Variants in TLE2 observed in about 807,000 individuals in gnomAD.
TLE2 encodes the protein TLE family member 2, transcriptional corepressor.
A neutral mutation model predicts 97.2 loss-of-function variants in TLE2; 74 were observed. The observed-to-expected ratio is 0.76, with a 90% CI of 0.63 to 0.92. TLE2 has a LOEUF of 0.92. Ranked by LOEUF, TLE2 falls within the 40% of genes least tolerant of loss-of-function variation. The pLI is 0.00. For missense variants in TLE2, 1,038 were observed against 1,008.7 expected, an observed-to-expected ratio of 1.03 and a Z score of -0.39; for synonymous variants, 499 against 432.1, an observed-to-expected ratio of 1.15 and a Z score of -1.92.
chr19:3,032,557 G>C (rs2090033496), upstream of TLE2, among the ~76,000 whole-genome samples: 1 of 152,108 alleles, frequency 6.6e-6, no homozygotes, highest in Non-Finnish European at 1.5e-5. The surrounding 1 kb of genome is among the most constrained non-coding windows in gnomAD (Gnocchi z 4.1). Context: ...TTTTGGATGT[G>C]AGTATGTTTA....
intron 14 of TLE2, among the ~76,000 whole-genome samples, chr19:3,008,000 T>G (rs930290489): frequency 5.3e-5 from 8 of 152,128 alleles, no homozygotes; most frequent in Non-Finnish European, 1.5e-5. Context: ...GAGAATCGCT[T>G]GAACCCAGGA....
chr19:3,016,225 C>T (rs904315033), intron 8 of TLE2, among the ~76,000 whole-genome samples: 7 of 151,406 alleles, frequency 4.6e-5, no homozygotes, highest in Non-Finnish European at 1.0e-4. Context: ...CATGAGCCAC[C>T]GCAACCAGCG....
intron 8 of TLE2, 199 bp from the exon 9 acceptor site, chr19:3,015,959 C>T (rs968697750): frequency 6.9e-5 from 46 of 662,856 alleles, no homozygotes; most frequent in South Asian, 3.2e-4. Context: ...TTGTTTTTGA[C>T]GGAGTCTTGC....
intron 14 of TLE2, among the ~76,000 whole-genome samples, chr19:3,008,339 G>A (rs1273809522): frequency 1.3e-5 from 2 of 152,206 alleles, no homozygotes; most frequent in African/African-American, 2.4e-5. Flanking sequence ...CCCCAGCTGT[G>A]ACAACCACAC....
upstream of TLE2, among the ~76,000 whole-genome samples, chr19:3,046,704 T>C (rs1450128771): frequency 3.3e-5 from 5 of 151,814 alleles, no homozygotes; most frequent in South Asian, 2.1e-4. Flanking sequence ...CCTCACCTGC[T>C]GGAACGTCCC....
At chr19:3,041,013 A>ATATATATATAT (rs1555695656) in intron 1 of TLE2, among the ~76,000 whole-genome samples, 5 of 28,978 alleles carry the variant, frequency 1.7e-4, no homozygotes, top group African/African-American at 6.2e-4. Flanking sequence ...ATATATATAT[A>ATATATATATAT]TTTTTTTTTT....
chr19:3,039,061 T>A (rs1357273456), intron 1 of TLE2, among the ~76,000 whole-genome samples: 4 of 121,448 alleles, frequency 3.3e-5, no homozygotes, highest in African/African-American at 6.2e-5. Context: ...AAATAAAAAT[T>A]AAAAAAAAAA....
At chr19:3,004,308 C>A (rs942999927) in intron 17 of TLE2, among the ~76,000 whole-genome samples, 23 of 152,104 alleles carry the variant, frequency 1.5e-4, no homozygotes, top group African/African-American at 5.6e-4. Flanking sequence ...GAGCTGTGTC[C>A]ACCTGCACTC....
At chr19:3,046,957 C>T (rs1599261675), upstream of TLE2, among the ~76,000 whole-genome samples, 1 of 120,158 alleles carries the variant, frequency 8.3e-6, no homozygotes, top group Non-Finnish European at 1.8e-5. Flanking sequence ...TCCCTTCCCT[C>T]CCTCCTTCTC....
intron 11 of TLE2, among the ~76,000 whole-genome samples, chr19:3,012,926 CT>C (rs1217328503): frequency 6.6e-6 from 1 of 152,122 alleles, no homozygotes; most frequent in Non-Finnish European, 1.5e-5. Flanking sequence ...CTGAGGGCTT[CT>C]CCAATACAAC....
rs1802248867 is a variant in TLE2, at chr19:3,019,806, A to G, written c.295-33T>C. 3 of 1,601,030 alleles carry G rather than the reference A, an allele frequency of 1.9e-6. No homozygotes were observed. The highest frequency in any genetic ancestry group is 1.7e-6 in the Non-Finnish European group (2 of 1,174,666). On this transcript the variant is annotated intron_variant, in intron 5 of 19. Transcript: ENST00000262953. This position sits in a 1 kb window ranked among gnomAD's most constrained non-coding sequence, Gnocchi z 5.1. Reference sequence around the variant, plus strand: ...GTGGAAGGGATCAGGTAGAGGGTACATTGAGCCCCTGCTCATGCTAGCGGT... The same window carrying G: ...GTGGAAGGGATCAGGTAGAGGGTACGTTGAGCCCCTGCTCATGCTAGCGGT...
At chr19:3,033,843 C>T (rs2090044006), upstream of TLE2, among the ~76,000 whole-genome samples, 1 of 151,916 alleles carries the variant, frequency 6.6e-6, no homozygotes, top group Non-Finnish European at 1.5e-5. Flanking sequence ...AACCCCCACC[C>T]CCCATCTCTA....
chr19:3,002,653 C>G, intron 17 of TLE2, 150 bp from the exon 18 acceptor site: 1 of 917,832 alleles, frequency 1.1e-6, no homozygotes, highest in Non-Finnish European at 1.6e-6. Context: ...ATCCTCCTGC[C>G]TCAGCACCAG....
chr19:2,997,831 G>T lies in TLE2; in HGVS notation c.*17C>A. On this transcript the variant is annotated 3_prime_UTR_variant, in exon 20 of 20. Coordinates refer to ENST00000262953, the MANE Select transcript of TLE2 (RefSeq NM_003260.5). ...CCTGGGAGTCTGGACTTCGGGTACA[G>T]GAAGGGGGGTCATGTCTCAGTAGAC... 1 of 1,576,134 alleles carries T rather than the reference G, an allele frequency of 6.3e-7. No homozygotes were observed. Among genetic ancestry groups the T allele is most frequent in the Non-Finnish European group, 8.7e-7 (1 of 1,153,434 alleles).
intron 14 of TLE2, 122 bp downstream of exon 14, chr19:3,008,747 G>T: frequency 1.4e-6 from 1 of 710,466 alleles, no homozygotes; most frequent in Non-Finnish European, 2.1e-6. Context: ...CACTGTGCCC[G>T]GCCCACACAA....
Position 3,029,029 on chromosome 19 carries a change from G to T in TLE2, c.-125C>A. 1 of 1,492,562 alleles carries T rather than the reference G, an allele frequency of 6.7e-7. No homozygotes were observed. The highest frequency in any genetic ancestry group is 8.9e-7 in the Non-Finnish European group (1 of 1,122,350). 92.5% of individuals were successfully genotyped at this position (1,492,562 alleles called of 1,614,324 possible). On this transcript the variant is annotated 5_prime_UTR_variant, in exon 1 of 20. Coordinates refer to ENST00000262953, the MANE Select transcript of TLE2 (RefSeq NM_003260.5). ...GAAGAAAGAGGGAGGAGGGAGAAGC[G>T]GCGCGGGGCAAGGGACCCTGGAGTC...
At position 3,013,750 on chromosome 19, in the gene TLE2, GGCAGGAAT is replaced by G; in HGVS notation, c.784_791del (p.Ile262ProfsTer14). The G allele has an allele frequency of 3.2e-6, 5 of 1,563,290 alleles. No homozygotes were observed. The highest frequency in any genetic ancestry group is 4.3e-6 in the Non-Finnish European group (5 of 1,156,784). On this transcript the variant is annotated frameshift_variant, in exon 11 of 20. Coordinates refer to ENST00000262953, the MANE Select transcript of TLE2 (RefSeq NM_003260.5). LOFTEE classifies it high-confidence loss of function. ...CTGGACTGTCCACCAGGTCCCGACG[GGCAGGAAT>G]GCAGATGGGTACCTTTCCGCAGGGG...
chr19:3,010,369 A>G (rs371483238), intron 12 of TLE2, among the ~76,000 whole-genome samples: 31,533 of 150,590 alleles, frequency 0.21, 3,444 homozygotes, highest in Admixed American at 0.24. Context: ...CGTCTCAAAA[A>G]AAAAGGAAAA....
At chr19:3,020,933 A>G (rs2089825070) in intron 5 of TLE2, among the ~76,000 whole-genome samples, 1 of 151,418 alleles carries the variant, frequency 6.6e-6, no homozygotes, top group Non-Finnish European at 1.5e-5. Flanking sequence ...TAAAAATACA[A>G]AAAAAATTAG....
Sources: allele counts gnomAD v4.1 joint callset (sites outside exome capture counted in the v4.1 genomes callset), GRCh38; gene constraint gnomAD v4.1.1; non-coding constraint Gnocchi (gnomAD v3.1); transcripts MANE v1.5; gene names NCBI Gene and HGNC (gene_info 2026-07-23, HGNC 2026-07-21).